CEP120: variants seen among roughly 807,000 people sequenced by gnomAD.
The protein encoded by CEP120 is centrosomal protein of 120 kDa.
CEP120 carries 113 observed loss-of-function variants against 126.5 expected under a neutral mutation model. The observed-to-expected ratio is 0.89, with a 90% CI of 0.77 to 1.04. The LOEUF (loss-of-function observed/expected upper bound fraction) is 1.04, where lower values mean the gene tolerates loss of function less well. Among genes scored for constraint, CEP120 ranks in the 50% least tolerant of loss-of-function variants. The pLI, the probability that CEP120 is intolerant of heterozygous loss-of-function variation, is 0.00. For synonymous variants in CEP120, 400 were observed against 394.3 expected, an observed-to-expected ratio of 1.01 and a Z score of -0.17; for missense variants, 1,230 against 1,155.7, an observed-to-expected ratio of 1.06 and a Z score of -0.93.
At chr5:123,373,124 A>C (rs185961768) in intron 16 of CEP120, among the ~76,000 whole-genome samples, 59 of 152,162 alleles carry the variant, frequency 3.9e-4, no homozygotes, top group Admixed American at 2.6e-3. Flanking sequence ...TCAGCAAGAG[A>C]CCACCAGAAG....
chr5:123,413,397 C>T (rs756017958), intron 3 of CEP120, among the ~76,000 whole-genome samples: 1 of 151,944 alleles, frequency 6.6e-6, no homozygotes, highest in Non-Finnish European at 1.5e-5. Flanking sequence ...GGATTATGAA[C>T]CAGGTACTTG....
intron 14 of CEP120, among the ~76,000 whole-genome samples, chr5:123,381,410 A>G: frequency 6.6e-6 from 1 of 152,072 alleles, no homozygotes; most frequent in South Asian, 2.1e-4. Context: ...CCATCCCCTC[A>G]AATCTGAAGC....
chr5:123,418,971 C>T (rs950272116), intron 1 of CEP120, among the ~76,000 whole-genome samples: 4 of 152,164 alleles, frequency 2.6e-5, no homozygotes, highest in African/African-American at 7.2e-5. Flanking sequence ...CTCACATATA[C>T]ACTCACTTCC....
In CEP120 at chr5:123,423,218, A is replaced by G; in HGVS notation, c.-220T>C. On this transcript the variant is annotated 5_prime_UTR_variant, in exon 1 of 20. Transcript: ENST00000306467. The stretch of plus-strand genomic sequence containing the variant: ...CAGATCCTAACTGTGCCCCGACTCA[A>G]GGAAAAAGCCACGCTGCAGCCCTGC... The G allele has an allele frequency of 1.8e-6, 1 of 566,680 alleles. No homozygotes were observed. Among genetic ancestry groups the G allele is most frequent in the East Asian group, 2.9e-5 (1 of 34,232 alleles). 35.1% of individuals were successfully genotyped at this position (566,680 alleles called of 1,614,324 possible).
At chr5:123,352,394 T>C (rs887859797) in intron 18 of CEP120, among the ~76,000 whole-genome samples, 1 of 152,048 alleles carries the variant, frequency 6.6e-6, no homozygotes, top group Non-Finnish European at 1.5e-5. Context: ...TATGTTACCC[T>C]TTTGAAGTTT....
chr5:123,421,794 C>T (rs1204312335), intron 1 of CEP120, among the ~76,000 whole-genome samples: 1 of 152,196 alleles, frequency 6.6e-6, no homozygotes, highest in Non-Finnish European at 1.5e-5. Context: ...AAGGTTATTT[C>T]AGTCCTATGT....
In CEP120 at chr5:123,383,129, T is replaced by C. The variant is rs544838841; in HGVS notation, c.1764-47A>G. On this transcript the variant is annotated intron_variant, in intron 11 of 19. Transcript: ENST00000306467. ...CCTTAAAATTCACAGAAATACTTTA[T>C]ATTATTTTTCCTTTTATTTCCCCAG... is the stretch of plus-strand genomic sequence containing the variant. The C allele has an allele frequency of 5.1e-5, 57 of 1,112,486 alleles. 1 individual carries two copies. In the Admixed American group the frequency reaches 1.2e-3, roughly 24 times the overall value. The allele number at this position is 1,112,486 out of a possible 1,614,324, so 68.9% of individuals were successfully genotyped here. A position where few individuals can be genotyped will look rare whatever the true frequency, so the allele number is the denominator to read the frequency against.
Position 123,422,552 on chromosome 5 carries a change from A to C in CEP120, c.49+398T>G, listed in dbSNP as rs1369877120. The C allele has an allele frequency of 2.0e-6, 3 of 1,535,514 alleles. No homozygotes were observed. In the East Asian group the frequency reaches 7.3e-5, roughly 38 times the overall value. ...GACGTGTAAAGGGAATTGCCTCCGG[A>C]ACACTTCTGGAATCGCAGGAAGCCT... On this transcript the variant is annotated intron_variant, in intron 1 of 19. Transcript: ENST00000306467.
rs144164625 is a variant in CEP120 at position 123,381,906 on chromosome 5, G to A, written c.2103+205C>T. Reference sequence around the variant, plus strand: ...CCTATATTATATATTTTTTGAATAGGTAATACATTTGCATATTCCAAAAGC... The same window carrying A: ...CCTATATTATATATTTTTTGAATAGATAATACATTTGCATATTCCAAAAGC... On this transcript the variant is annotated intron_variant, in intron 14 of 19. Coordinates refer to ENST00000306467, the MANE Select transcript of CEP120 (RefSeq NM_001375405.1). Among the ~76,000 whole-genome samples the A allele has an allele frequency of 9.2e-4, 140 of 151,866 alleles. No individual in the cohort carries two copies. In the Middle Eastern group the frequency reaches 0.01, roughly 11 times the overall value.
At chr5:123,375,603 G>T (rs1771158595) in intron 16 of CEP120, among the ~76,000 whole-genome samples, 1 of 151,864 alleles carries the variant, frequency 6.6e-6, no homozygotes, top group African/African-American at 2.4e-5. Flanking sequence ...GATTACAAGT[G>T]TGAACCACTG....
At position 123,345,571 on chromosome 5, in the gene CEP120, T is replaced by C. The variant is rs945452836; in HGVS notation, c.*948A>G. 6.6e-6 allele frequency: 1 copy of C among 152,166 alleles called. No homozygotes were observed. Among genetic ancestry groups the C allele is most frequent in the Admixed American group, 6.5e-5 (1 of 15,268 alleles). The allele number at this position is 152,166 out of a possible 1,614,324, so 9.4% of individuals were successfully genotyped here. A position where few individuals can be genotyped will look rare whatever the true frequency, so the allele number is the denominator to read the frequency against. On this transcript the variant is annotated 3_prime_UTR_variant, in exon 20 of 20. Coordinates refer to ENST00000306467, the MANE Select transcript of CEP120 (RefSeq NM_001375405.1). Reference sequence around the variant, plus strand: ...GGACAAATGTTGGCTCTGAAGAATATGATATAAAGGAACTCTTAAGAGTTT... The same window carrying C: ...GGACAAATGTTGGCTCTGAAGAATACGATATAAAGGAACTCTTAAGAGTTT...
At chr5:123,402,502 C>T (rs529999470) in intron 4 of CEP120, among the ~76,000 whole-genome samples, 11 of 152,182 alleles carry the variant, frequency 7.2e-5, no homozygotes, top group African/African-American at 2.2e-4. Flanking sequence ...CCTCTGCCCC[C>T]CCGGATTCAA....
At chr5:123,422,122 G>A (rs901774578) in intron 1 of CEP120, among the ~76,000 whole-genome samples, 1 of 152,180 alleles carries the variant, frequency 6.6e-6, no homozygotes, top group Non-Finnish European at 1.5e-5. Flanking sequence ...TTTACTGAGT[G>A]AATTTAATTA....
rs1336329939 is a variant in CEP120, at chr5:123,388,480, C to G, written c.1382G>C (p.Arg461Thr). Residue 461 changes from arginine (R) to threonine (T), a missense_variant, in exon 9 of 20, where the codon AGG (arginine) becomes ACG (threonine). Physicochemically the swap from Arg to Thr is moderately conservative, Grantham distance 71. Coordinates refer to ENST00000306467, the MANE Select transcript of CEP120 (RefSeq NM_001375405.1). ...ACCAATCTCCAAGGCATGTATACTC[C>G]TTAAGTCTATTGAAAAGCAAAAATG... ...SHHFCFSIDL[R>T]SIHALEIGFP... 5 of 1,606,836 alleles carry G rather than the reference C, an allele frequency of 3.1e-6. No homozygotes were observed. Among genetic ancestry groups the G allele is most frequent in the Non-Finnish European group, 4.2e-6 (5 of 1,177,484 alleles).
At chr5:123,352,378 T>C (rs116014328) in intron 18 of CEP120, among the ~76,000 whole-genome samples, 1 of 152,188 alleles carries the variant, frequency 6.6e-6, no homozygotes, top group Non-Finnish European at 1.5e-5. Flanking sequence ...CTTGAAGATA[T>C]TCTTTTATGT....
chr5:123,355,138 G>A (rs1769494410), intron 18 of CEP120, among the ~76,000 whole-genome samples: 1 of 152,078 alleles, frequency 6.6e-6, no homozygotes, highest in Non-Finnish European at 1.5e-5. Context: ...TGGCTGCATA[G>A]TATTCCATGG....
intron 10 of CEP120, 84 bp downstream of exon 10, chr5:123,386,434 T>C (rs1772020370): frequency 9.9e-7 from 1 of 1,011,508 alleles, no homozygotes; most frequent in East Asian, 3.2e-5. Context: ...GATTTAAACC[T>C]ATAAGAATTC....
intron 3 of CEP120, among the ~76,000 whole-genome samples, chr5:123,415,062 T>A (rs901290324): frequency 6.6e-6 from 1 of 150,762 alleles, no homozygotes; most frequent in Non-Finnish European, 1.5e-5. Context: ...AGGATGATTC[T>A]GAGTTCTTTC....
chr5:123,383,444 G>A lies in CEP120; in HGVS notation c.1764-362C>T, dbSNP rs530825164. Among the ~76,000 whole-genome samples the A allele has an allele frequency of 1.1e-4, 16 of 152,104 alleles. No individual in the cohort carries two copies. The South Asian group carries it at 3.1e-3, about 30-fold the overall frequency. On this transcript the variant is annotated intron_variant, in intron 11 of 19. Coordinates refer to ENST00000306467, the MANE Select transcript of CEP120 (RefSeq NM_001375405.1). ...AGATATACATGCACACATGCATGCT[G>A]ACTTCATACAGTTTTGTCTTGTTTT...
Sources: allele counts gnomAD v4.1 joint callset (sites outside exome capture counted in the v4.1 genomes callset), GRCh38; gene constraint gnomAD v4.1.1; transcripts MANE v1.5; gene names NCBI Gene and HGNC (gene_info 2026-07-23, HGNC 2026-07-21).